FGF14: variants seen among roughly 807,000 people sequenced by gnomAD.
The protein encoded by FGF14 is fibroblast growth factor 14, also known as fibroblast growth factor homologous factor 4.
A neutral mutation model predicts 25.5 loss-of-function variants in FGF14; 5 were observed. That is an observed-to-expected ratio of 0.20 (90% confidence interval 0.10 to 0.41). The LOEUF is 0.41. Ranked by LOEUF, FGF14 falls within the 10% of genes least tolerant of loss-of-function variation. The pLI, the probability that FGF14 is intolerant of heterozygous loss-of-function variation, is 1.00. For missense variants in FGF14, 222 were observed against 320.1 expected (o/e 0.69, Z 2.34); for synonymous variants, 138 against 118.3 (o/e 1.17, Z -1.08).
chr13:101,996,766 C>T (rs926982590), intron 1 of FGF14, among the ~76,000 whole-genome samples: 3 of 152,146 alleles, frequency 2.0e-5, no homozygotes, highest in African/African-American at 7.2e-5. Flanking sequence ...TTTCATTGCT[C>T]TTCCTTCCAA....
chr13:101,767,394 G>A (rs2038476787), intron 3 of FGF14, among the ~76,000 whole-genome samples: 1 of 152,030 alleles, frequency 6.6e-6, no homozygotes, highest in South Asian at 2.1e-4. Flanking sequence ...TTTCAGAAGT[G>A]CAGCACAGGT....
At chr13:102,050,349 T>C (rs1416709979) in intron 1 of FGF14, among the ~76,000 whole-genome samples, 1 of 152,102 alleles carries the variant, frequency 6.6e-6, no homozygotes, top group African/African-American at 2.4e-5. Flanking sequence ...AACAAAACTA[T>C]ATAGTTTTGG....
intron 1 of FGF14, among the ~76,000 whole-genome samples, chr13:101,888,834 A>T (rs368884923): frequency 7.4e-6 from 1 of 135,372 alleles, no homozygotes; most frequent in East Asian, 2.3e-4. Context: ...ATGGTGTGAA[A>T]GCATCAAAGG....
At chr13:102,262,558 A>T (rs1373912075) in intron 1 of FGF14, among the ~76,000 whole-genome samples, 1 of 152,124 alleles carries the variant, frequency 6.6e-6, no homozygotes, top group African/African-American at 2.4e-5. Flanking sequence ...ATTTTGATAG[A>T]TTTTTAAGTG....
chr13:102,232,623 T>C (rs2051135013), intron 1 of FGF14, among the ~76,000 whole-genome samples: 1 of 152,204 alleles, frequency 6.6e-6, no homozygotes, highest in South Asian at 2.1e-4. Context: ...TCCCAAGTCA[T>C]AAGAGCAATT....
At chr13:102,107,198 G>A (rs2140307324) in intron 1 of FGF14, among the ~76,000 whole-genome samples, 1 of 152,276 alleles carries the variant, frequency 6.6e-6, no homozygotes, top group Admixed American at 6.5e-5. Context: ...ATTAAACAGA[G>A]TTCAGTATAG....
Position 101,879,081 on chromosome 13 carries a change from T to C in FGF14, c.194-3785A>G, listed in dbSNP as rs879533880. Among the ~76,000 whole-genome samples, 46 of 152,282 alleles carry C rather than the reference T, an allele frequency of 3.0e-4. 1 individual carries two copies. Among genetic ancestry groups the C allele is most frequent in the Admixed American group, 2.0e-3 (31 of 15,294 alleles). Reference sequence around the variant, plus strand: ...CTAGCCATGCAAAAATGCAAAATACTTTTTAACTCATAAAATTATTAGTTC... The same window carrying C: ...CTAGCCATGCAAAAATGCAAAATACCTTTTAACTCATAAAATTATTAGTTC... On this transcript the variant is annotated intron_variant, in intron 1 of 4. Transcript: ENST00000376143.
At chr13:102,291,490 G>C (rs918418217) in intron 1 of FGF14, among the ~76,000 whole-genome samples, 1 of 152,124 alleles carries the variant, frequency 6.6e-6, no homozygotes, top group Non-Finnish European at 1.5e-5. Context: ...TTCCTTCCCC[G>C]TGTCAAGAAT....
chr13:102,348,071 G>A (rs943741734), intron 1 of FGF14, among the ~76,000 whole-genome samples: 3 of 150,666 alleles, frequency 2.0e-5, no homozygotes, highest in African/African-American at 4.9e-5. Flanking sequence ...CAAGAAATTC[G>A]CAGATAAGCT....
chr13:102,116,497 A>G (rs1032790480), intron 1 of FGF14, among the ~76,000 whole-genome samples: 3 of 152,178 alleles, frequency 2.0e-5, no homozygotes, highest in Non-Finnish European at 4.4e-5. Context: ...AAGAAAAAAT[A>G]AATTTCTGAT....
At chr13:102,281,778 TC>T (rs2053847412) in intron 1 of FGF14, among the ~76,000 whole-genome samples, 1 of 151,328 alleles carries the variant, frequency 6.6e-6, no homozygotes. Context: ...TTCTCATCTC[TC>T]CCAGCTTCAA....
intron 3 of FGF14, among the ~76,000 whole-genome samples, chr13:101,788,108 G>A (rs1448295813): frequency 6.6e-6 from 1 of 152,092 alleles, no homozygotes; most frequent in Non-Finnish European, 1.5e-5. Context: ...CCTGACAGCA[G>A]GTGATCCACC....
chr13:102,076,149 T>A (rs1313849995), intron 1 of FGF14, among the ~76,000 whole-genome samples: 3 of 152,166 alleles, frequency 2.0e-5, no homozygotes, highest in African/African-American at 7.2e-5. Context: ...AAGTCTACAG[T>A]AGTATGTCCT....
chr13:101,777,565 G>A (rs530812938), intron 3 of FGF14, among the ~76,000 whole-genome samples: 15 of 152,230 alleles, frequency 9.9e-5, no homozygotes, highest in African/African-American at 3.4e-4. Context: ...CTCCCCGAGG[G>A]AAGCCTTTGG....
intron 1 of FGF14, among the ~76,000 whole-genome samples, chr13:102,228,810 T>G (rs1187592349): frequency 2.0e-5 from 3 of 152,190 alleles, no homozygotes; most frequent in Non-Finnish European, 4.4e-5. Context: ...CTATACTGTC[T>G]TCTAAACATA....
chr13:101,999,850 T>C (rs1297755419), intron 1 of FGF14, among the ~76,000 whole-genome samples: 2 of 152,168 alleles, frequency 1.3e-5, no homozygotes, highest in Non-Finnish European at 2.9e-5. Context: ...TGGTTCACAC[T>C]ATTTCTTCTC....
At position 102,091,286 on chromosome 13, in the gene FGF14, C is replaced by T. The variant is rs2044153760; in HGVS notation, c.209-215990G>A. Among the ~76,000 whole-genome samples, 2 of 152,110 alleles carry T rather than the reference C, an allele frequency of 1.3e-5. 1 individual carries two copies. Among genetic ancestry groups the T allele is most frequent in the South Asian group, 4.1e-4 (2 of 4,824 alleles). ...GCTTTATGCTGCTGGGGCTGAGACC[C>T]TGCAAACTACATTCTGCTTGCCAAG... On this transcript the variant is annotated intron_variant, in intron 1 of 4. Transcript: ENST00000376131.
At chr13:102,231,412 G>A (rs1250395768) in intron 1 of FGF14, among the ~76,000 whole-genome samples, 1 of 152,148 alleles carries the variant, frequency 6.6e-6, no homozygotes, top group South Asian at 2.1e-4. Flanking sequence ...TTGGCTACAA[G>A]AATAGGCTAG....
intron 1 of FGF14, among the ~76,000 whole-genome samples, chr13:102,102,330 G>C (rs1169438243): frequency 2.0e-5 from 3 of 152,200 alleles, no homozygotes; most frequent in Admixed American, 6.5e-5. Flanking sequence ...GATGGTTCTT[G>C]ACTTGATGGG....
Sources: allele counts gnomAD v4.1 joint callset (sites outside exome capture counted in the v4.1 genomes callset), GRCh38; gene constraint gnomAD v4.1.1; transcripts MANE v1.5; gene names NCBI Gene and HGNC (gene_info 2026-07-23, HGNC 2026-07-21).